The following CRY1 variants were observed in gnomAD, a reference collection of about 807,000 sequenced individuals.
CRY1 encodes cryptochrome-1.
A neutral mutation model predicts 76.0 loss-of-function variants in CRY1; 45 were observed. The observed-to-expected ratio is 0.59, with a 90% CI of 0.47 to 0.76. The LOEUF is 0.76. CRY1 is among the 30% of genes least tolerant of loss of function. CRY1 has a pLI of 0.00. For missense variants in CRY1, 587 were observed against 716.4 expected (o/e 0.82, Z 2.06); for synonymous variants, 248 against 244.0 (o/e 1.02, Z -0.15).
At chr12:107,003,157 T>C (rs1230444389) in intron 3 of CRY1, among the ~76,000 whole-genome samples, 1 of 152,230 alleles carries the variant, frequency 6.6e-6, no homozygotes, top group Non-Finnish European at 1.5e-5. Context: ...TATGTATCTA[T>C]GTCACATACT....
chr12:107,039,858 C>T (rs1387959460), intron 1 of CRY1, among the ~76,000 whole-genome samples: 1 of 152,154 alleles, frequency 6.6e-6, no homozygotes, highest in Non-Finnish European at 1.5e-5. Flanking sequence ...AATATTAGCA[C>T]TCCCAAGTTC....
chr12:107,039,279 G>A (rs557494013), intron 1 of CRY1, among the ~76,000 whole-genome samples: 1 of 152,286 alleles, frequency 6.6e-6, no homozygotes, highest in South Asian at 2.1e-4. Flanking sequence ...TCTTGGCAAT[G>A]CTTTCATCAA....
chr12:106,991,390 C>G lies in CRY1; in HGVS notation c.*612G>C, dbSNP rs996797334. On this transcript the variant is annotated 3_prime_UTR_variant, in exon 13 of 13. Transcript: ENST00000008527. ...TTCATATTTGCATATACTTTAATAA[C>G]AAGTTCATTTTAGTAATAAATGAAC... The G allele has an allele frequency of 2.0e-5, 3 of 152,320 alleles. No individual in the cohort carries two copies. The highest frequency in any genetic ancestry group is 4.4e-5 in the Non-Finnish European group (3 of 67,940). 9.4% of individuals were successfully genotyped at this position (152,320 alleles called of 1,614,324 possible).
chr12:107,041,117 C>A (rs554386290), intron 1 of CRY1, among the ~76,000 whole-genome samples: 1 of 151,754 alleles, frequency 6.6e-6, no homozygotes, highest in Admixed American at 6.6e-5. Flanking sequence ...AGAGGTGAAG[C>A]TAAGAATTAA....
In CRY1 at chr12:107,001,958, G is replaced by T. The variant is rs1952317337; in HGVS notation, c.411-10C>A. On this transcript the variant is annotated splice_polypyrimidine_tract_variant and intron_variant, in intron 3 of 12. Transcript: ENST00000008527. ...ATTGAGTTCTATGATCCTATAACAA[G>T]AGTTAGTAAAATGTAGTTAGTATTA... 1 of 1,560,406 alleles carries T rather than the reference G, an allele frequency of 6.4e-7. No individual in the cohort carries two copies. Among genetic ancestry groups the T allele is most frequent in the African/African-American group, 1.4e-5 (1 of 71,046 alleles).
At chr12:107,076,373 G>A (rs1211194975) in intron 1 of CRY1, among the ~76,000 whole-genome samples, 3 of 152,094 alleles carry the variant, frequency 2.0e-5, no homozygotes, top group Non-Finnish European at 4.4e-5. Flanking sequence ...CACTTTGGGA[G>A]GCTGAGGCAG....
intron 10 of CRY1, 50 bp from the exon 11 acceptor site, chr12:106,993,086 G>T: frequency 6.4e-7 from 1 of 1,570,190 alleles, no homozygotes; most frequent in Non-Finnish European, 8.8e-7. Flanking sequence ...AATCCAAGAT[G>T]TATGTATTAT....
chr12:106,993,592 C>G lies in CRY1; in HGVS notation c.1586-556G>C, dbSNP rs1443274354. ...AACAGAGAAGTATGTTTTAGGGAAA[C>G]ATTTCTGTCAGTGTGTCCAGTTTAT... On this transcript the variant is annotated intron_variant, in intron 10 of 12. Coordinates refer to ENST00000008527, the MANE Select transcript of CRY1 (RefSeq NM_004075.5). Among the ~76,000 whole-genome samples the G allele has an allele frequency of 2.0e-5, 3 of 151,892 alleles. No homozygotes were observed. In the East Asian group the frequency reaches 5.8e-4, roughly 29 times the overall value.
chr12:107,003,966 T>A (rs990570527), intron 3 of CRY1, among the ~76,000 whole-genome samples: 6 of 152,048 alleles, frequency 3.9e-5, no homozygotes, highest in African/African-American at 1.4e-4. Context: ...CCACTATGCC[T>A]GGCTAATTTT....
rs1268305844 is a variant in CRY1 at position 106,992,826 on chromosome 12, C to G, written c.1722G>C (p.Gln574His). 1.9e-6 allele frequency: 3 copies of G among 1,613,930 alleles called. No homozygotes were observed. Among genetic ancestry groups the G allele is most frequent in the African/African-American group, 1.3e-5 (1 of 74,922 alleles). Reference sequence around the variant, plus strand: ...GTCTCTGGACTTTAGGACCAATACTCTGTGTGTCCTCTTCCTGACTAGGAC... The same window carrying G: ...GTCTCTGGACTTTAGGACCAATACTGTGTGTGTCCTCTTCCTGACTAGGAC... ...GKRPSQEEDTQSIGPKVQRQS... is the reference protein window; with the variant it reads ...GKRPSQEEDTHSIGPKVQRQS... The change falls in exon 12 of 13, where the codon CAG becomes CAC. Residue 574 changes from glutamine to histidine, a missense_variant. Coordinates refer to ENST00000008527, the MANE Select transcript of CRY1 (RefSeq NM_004075.5).
At chr12:107,047,153 A>G (rs1952858540) in intron 1 of CRY1, among the ~76,000 whole-genome samples, 1 of 152,240 alleles carries the variant, frequency 6.6e-6, no homozygotes, top group African/African-American at 2.4e-5. Flanking sequence ...CAAATTTAAG[A>G]TAACTGAAAT....
At position 107,033,223 on chromosome 12, in the gene CRY1, C is replaced by T. The variant is rs551632925; in HGVS notation, c.159-11031G>A. On this transcript the variant is annotated intron_variant, in intron 1 of 12. Transcript: ENST00000008527. Reference sequence around the variant, plus strand: ...AATGGACTCAAGAGTAAAGAAAGAACAGGAATAATTCTAAGTCACTAAATA... The same window carrying T: ...AATGGACTCAAGAGTAAAGAAAGAATAGGAATAATTCTAAGTCACTAAATA... 8.5e-5 allele frequency among the ~76,000 whole-genome samples: 13 copies of T among 152,144 alleles called. No homozygotes were observed. In the East Asian group the frequency reaches 2.5e-3, roughly 29 times the overall value.
intron 1 of CRY1, among the ~76,000 whole-genome samples, chr12:107,092,193 C>T (rs1304854903): frequency 1.3e-5 from 2 of 152,164 alleles, no homozygotes; most frequent in Admixed American, 1.3e-4. Context: ...TCTAAGATTT[C>T]TTTCAGTGCT....
chr12:107,065,074 T>C (rs1477986626), intron 1 of CRY1, among the ~76,000 whole-genome samples: 1 of 152,064 alleles, frequency 6.6e-6, no homozygotes, highest in Non-Finnish European at 1.5e-5. Context: ...GAGGGGTGGA[T>C]CACTTGAGGT....
At chr12:107,036,607 T>C (rs1952735419) in intron 1 of CRY1, among the ~76,000 whole-genome samples, 1 of 151,732 alleles carries the variant, frequency 6.6e-6, no homozygotes, top group Admixed American at 6.6e-5. Flanking sequence ...TTTTAAGTCC[T>C]TAAAATGGCT....
intron 2 of CRY1, among the ~76,000 whole-genome samples, chr12:107,013,959 T>C (rs1430702929): frequency 6.6e-6 from 1 of 152,194 alleles, no homozygotes; most frequent in Admixed American, 6.5e-5. Flanking sequence ...ATGACTTCTA[T>C]TGGATGGTAC....
intron 1 of CRY1, among the ~76,000 whole-genome samples, chr12:107,042,768 C>T (rs1952812647): frequency 6.6e-6 from 1 of 152,100 alleles, no homozygotes; most frequent in Non-Finnish European, 1.5e-5. Context: ...AGGATGGCCA[C>T]ACGGAGAATG....
intron 1 of CRY1, among the ~76,000 whole-genome samples, chr12:107,088,157 G>A (rs1395624589): frequency 6.6e-6 from 1 of 152,226 alleles, no homozygotes; most frequent in Non-Finnish European, 1.5e-5. Context: ...TATCCCCAAT[G>A]TTGGAGGTGA....
intron 1 of CRY1, among the ~76,000 whole-genome samples, chr12:107,092,511 GTTTC>G (rs1251772852): frequency 6.6e-6 from 1 of 152,192 alleles, no homozygotes; most frequent in Non-Finnish European, 1.5e-5. Context: ...CAGGAAAGGT[GTTTC>G]TTTAACTCCA....
Sources: gnomAD v4.1 joint callset for allele counts (sites outside exome capture counted in the v4.1 genomes callset) on GRCh38, gnomAD v4.1.1 for gene constraint, MANE v1.5 for transcripts, NCBI Gene and HGNC (gene_info 2026-07-23, HGNC 2026-07-21) for gene names.